The following RAB44 variants were observed in gnomAD, a reference collection of about 807,000 sequenced individuals.
The protein encoded by RAB44 is RAB44, member RAS oncogene family, also known as ras-related protein Rab-44.
In RAB44, 67 loss-of-function variants were observed where a neutral mutation model predicts 93.3. The observed-to-expected ratio is 0.72, with a 90% confidence interval of 0.59 to 0.88. The LOEUF (loss-of-function observed/expected upper bound fraction) is 0.88. Among genes scored for constraint, RAB44 ranks in the 40% least tolerant of loss-of-function variants. The pLI is 0.00. For synonymous variants in RAB44, 427 were observed against 520.3 expected (o/e 0.82, Z 2.44); for missense variants, 1,064 against 1,261.7 (o/e 0.84, Z 2.37).
At chr6:36,726,408 C>A (rs376833292) in intron 10 of RAB44, among the ~76,000 whole-genome samples, 19 of 152,136 alleles carry the variant, frequency 1.2e-4, no homozygotes, top group African/African-American at 4.1e-4. Flanking sequence ...CCACATCCAG[C>A]TAATTTTTGT....
At chr6:36,716,180 G>C (rs1438899183) in intron 4 of RAB44, among the ~76,000 whole-genome samples, 7 of 152,178 alleles carry the variant, frequency 4.6e-5, no homozygotes, top group African/African-American at 1.7e-4. Flanking sequence ...TTAGAGAAAG[G>C]GAGCCCTGGC....
At position 36,730,688 on chromosome 6, in the gene RAB44, T is replaced by A; in HGVS notation, c.2914T>A (p.Phe972Ile). 8.1e-7 allele frequency: 1 copy of A among 1,234,380 alleles called. No individual in the cohort carries two copies. Among genetic ancestry groups the A allele is most frequent in the Non-Finnish European group, 1.0e-6 (1 of 988,266 alleles). 76.5% of individuals were successfully genotyped at this position (1,234,380 alleles called of 1,614,324 possible). Residue 972 changes from phenylalanine (F) to isoleucine (I), a missense_variant, in exon 13 of 14, where the codon TTT becomes ATT. By Grantham distance (21) the Phe-to-Ile change is conservative (BLOSUM62 0). Coordinates refer to ENST00000612677, the MANE Select transcript of RAB44 (RefSeq NM_001257357.2). ...TGGCCTGCAGGAACTGGGGGTCTAT[T>A]TTGGGGAGTGCAGTGCCGCCTTGGG... ...QQLAQELGVY[F>I]GECSAALGHN...
At chr6:36,703,474 G>C (rs543525279) in intron 1 of RAB44, among the ~76,000 whole-genome samples, 1 of 152,300 alleles carries the variant, frequency 6.6e-6, no homozygotes, top group African/African-American at 2.4e-5. Flanking sequence ...CTATGTAAGG[G>C]AGTGAGAGAG....
In RAB44 at chr6:36,715,597, G is replaced by A; in HGVS notation, c.438G>A (p.Glu146=). The A allele has an allele frequency of 6.5e-7, 1 of 1,536,232 alleles. No homozygotes were observed. Residue 146 remains glutamate (E), a synonymous_variant, in exon 4 of 14, where the codon GAG becomes GAA. Coordinates refer to ENST00000612677, the MANE Select transcript of RAB44 (RefSeq NM_001257357.2). The part of the protein sequence containing the change: ...FPALEEADAE[E]KEAFLAFMEQ... ...CTCTGGAGGAGGCGGATGCTGAGGA[G>A]AAGGAGGCGTTCCTTGCCTTCATGG...
At chr6:36,712,821 C>T (rs1458598613) in intron 2 of RAB44, among the ~76,000 whole-genome samples, 1 of 152,206 alleles carries the variant, frequency 6.6e-6, no homozygotes, top group Non-Finnish European at 1.5e-5. Flanking sequence ...AACATAAAGA[C>T]CATCACTGGT....
At chr6:36,723,268 AC>A (rs1442995618) in intron 9 of RAB44, among the ~76,000 whole-genome samples, 4 of 152,066 alleles carry the variant, frequency 2.6e-5, no homozygotes, top group Non-Finnish European at 5.9e-5. Flanking sequence ...ACCCTTTTGA[AC>A]CCCCAAATCC....
intron 3 of RAB44, among the ~76,000 whole-genome samples, chr6:36,714,503 C>T (rs1007645164): frequency 4.1e-4 from 63 of 152,302 alleles, no homozygotes; most frequent in African/African-American, 1.4e-3. Flanking sequence ...GTCCACAAAG[C>T]CCCCCAGAGT....
Position 36,722,744 on chromosome 6 carries a change from T to G in RAB44, c.2599+11T>G, listed in dbSNP as rs1438581836. 1.3e-6 allele frequency: 2 copies of G among 1,550,434 alleles called. No homozygotes were observed. Among genetic ancestry groups the G allele is most frequent in the Non-Finnish European group, 1.7e-6 (2 of 1,146,954 alleles). ...TGACAGCTACCGTGGGTAAGGGCAT[T>G]GGGGAGGGCGGCAGGGAGCAAGGAG... On this transcript the variant is annotated intron_variant, in intron 9 of 13. Coordinates refer to ENST00000612677, the MANE Select transcript of RAB44 (RefSeq NM_001257357.2).
chr6:36,724,807 G>A (rs1037040814), intron 9 of RAB44, among the ~76,000 whole-genome samples: 3 of 152,066 alleles, frequency 2.0e-5, no homozygotes, highest in Non-Finnish European at 4.4e-5. Flanking sequence ...GGTGGCTATC[G>A]TCTTTTCTGG....
rs1260969112 is a variant in RAB44, at chr6:36,711,501, AT to A, written c.208-2325del. Among the ~76,000 whole-genome samples the A allele has an allele frequency of 2.6e-5, 4 of 152,338 alleles. No homozygotes were observed. The East Asian group carries it at 7.7e-4, about 29-fold the overall frequency. ...CTAATTTGTTCAAAGAATCATGTTA[AT>A]TATATGGACCTGGCTCCTGAAAAAT... On this transcript the variant is annotated intron_variant, in intron 2 of 13. Coordinates refer to ENST00000612677, the MANE Select transcript of RAB44 (RefSeq NM_001257357.2).
At position 36,731,947 on chromosome 6, in the gene RAB44, T is replaced by G; in HGVS notation, c.2976-56T>G. 1 of 1,162,318 alleles carries G rather than the reference T, an allele frequency of 8.6e-7. No individual in the cohort carries two copies. The highest frequency in any genetic ancestry group is 1.1e-6 in the Non-Finnish European group (1 of 924,646). The allele number at this position is 1,162,318 out of a possible 1,614,324, so 72.0% of individuals were successfully genotyped here. ...CCCCCCAGCTGCACCCATGGGCCCA[T>G]CCGTGCTGCCCGTAGGAGGTGAGAG... On this transcript the variant is annotated intron_variant, in intron 13 of 13. Coordinates refer to ENST00000612677, the MANE Select transcript of RAB44 (RefSeq NM_001257357.2). This position sits in a 1 kb window ranked among gnomAD's most constrained non-coding sequence, Gnocchi z 4.0.
At chr6:36,706,591 T>A (rs1290067354) in intron 2 of RAB44, among the ~76,000 whole-genome samples, 1 of 152,168 alleles carries the variant, frequency 6.6e-6, no homozygotes, top group African/African-American at 2.4e-5. Flanking sequence ...GGACATCCCA[T>A]AAAAAGACAC....
In RAB44 at chr6:36,714,938, C is replaced by A. The variant is rs1020788893; in HGVS notation, c.320-541C>A. On this transcript the variant is annotated intron_variant, in intron 3 of 13. Transcript: ENST00000612677. Reference sequence around the variant, plus strand: ...TGCTGTTCTCTTTGCCGGGGACACACTTCTCTGGAGTCCACATGGTTTGCT... The same window carrying A: ...TGCTGTTCTCTTTGCCGGGGACACAATTCTCTGGAGTCCACATGGTTTGCT... Among the ~76,000 whole-genome samples, 30 of 152,188 alleles carry A rather than the reference C, an allele frequency of 2.0e-4. 1 individual carries two copies. The highest frequency in any genetic ancestry group is 2.0e-3 in the Admixed American group (30 of 15,286).
Position 36,715,640 on chromosome 6 carries a change from C to T in RAB44, c.481C>T (p.His161Tyr). The T allele has an allele frequency of 6.5e-7, 1 of 1,536,052 alleles. No homozygotes were observed. The highest frequency in any genetic ancestry group is 8.7e-7 in the Non-Finnish European group (1 of 1,146,872). ...LAFMEQLGTGHLLPKQMEIWQ... is the reference protein window; with the variant it reads ...LAFMEQLGTGYLLPKQMEIWQ... Reference sequence around the variant, plus strand: ...CTTCATGGAGCAGCTGGGGACTGGACACTTACTTCCCAAGTAAGGCCAGGG... The same window carrying T: ...CTTCATGGAGCAGCTGGGGACTGGATACTTACTTCCCAAGTAAGGCCAGGG... Residue 161 changes from histidine (H) to tyrosine (Y), a missense_variant, in exon 4 of 14, where the codon CAC becomes TAC. By Grantham distance (83) the His-to-Tyr change is moderately conservative (BLOSUM62 2). Transcript: ENST00000612677.
At chr6:36,710,863 A>T (rs1353185350) in intron 2 of RAB44, among the ~76,000 whole-genome samples, 1 of 152,168 alleles carries the variant, frequency 6.6e-6, no homozygotes, top group Admixed American at 6.5e-5. Context: ...ACCTCAGGTG[A>T]TCCACTTGCC....
At chr6:36,728,525 A>C (rs1426961171) in intron 11 of RAB44, among the ~76,000 whole-genome samples, 175 bp from the exon 12 acceptor site, 2 of 151,758 alleles carry the variant, frequency 1.3e-5, no homozygotes, top group Admixed American at 6.6e-5. Flanking sequence ...AATAAGTGAG[A>C]TGTTTATCAG....
intron 9 of RAB44, among the ~76,000 whole-genome samples, chr6:36,724,693 C>CAACG (rs1298271990): frequency 3.9e-5 from 6 of 152,144 alleles, no homozygotes; most frequent in African/African-American, 1.4e-4. Flanking sequence ...ACCAACCAAC[C>CAACG]AACCAGGCAA....
Position 36,726,844 on chromosome 6 carries a change from A to T in RAB44, c.2682-733A>T, listed in dbSNP as rs373104052. On this transcript the variant is annotated intron_variant, in intron 10 of 13. Transcript: ENST00000612677. ...GAGACAGAGTCTTGCTCTGTCACCC[A>T]GGCTGGAGTGTGGTGGTGTGATCTC... Among the ~76,000 whole-genome samples the T allele has an allele frequency of 3.5e-3, 515 of 149,174 alleles. 1 individual carries two copies. The highest frequency in any genetic ancestry group is 0.012 in the African/African-American group (478 of 40,474).
chr6:36,698,071 G>A (rs1762424776), intron 1 of RAB44, among the ~76,000 whole-genome samples, 156 bp downstream of exon 1: 1 of 152,200 alleles, frequency 6.6e-6, no homozygotes, highest in Non-Finnish European at 1.5e-5. Flanking sequence ...GTCTAAGGGA[G>A]GGGATGGGAA....
Sources: allele counts gnomAD v4.1 joint callset (sites outside exome capture counted in the v4.1 genomes callset), GRCh38; gene constraint gnomAD v4.1.1; non-coding constraint Gnocchi (gnomAD v3.1); transcripts MANE v1.5; gene names NCBI Gene and HGNC (gene_info 2026-07-23, HGNC 2026-07-21).